Variants in CAPN1 observed in about 807,000 individuals in gnomAD.
CAPN1 encodes calpain 1.
CAPN1 carries 77 observed loss-of-function variants against 105.2 expected under a neutral mutation model. That is an observed-to-expected ratio of 0.73 (90% CI 0.61 to 0.88). The LOEUF is 0.88. CAPN1 is among the 40% of genes least tolerant of loss of function. The pLI, the probability that CAPN1 is intolerant of heterozygous loss-of-function variation, is 0.00. For synonymous variants in CAPN1, 355 were observed against 388.8 expected, an observed-to-expected ratio of 0.91 and a Z score of 1.02; for missense variants, 833 against 976.6, an observed-to-expected ratio of 0.85 and a Z score of 1.96.
chr11:65,201,709 G>A (rs1417174003), intron 10 of CAPN1, among the ~76,000 whole-genome samples: 2 of 151,542 alleles, frequency 1.3e-5, no homozygotes, highest in Non-Finnish European at 2.9e-5. Flanking sequence ...TAGTAGAGAC[G>A]GGGTTTCACC....
rs2137408005 is a variant in CAPN1, at chr11:65,211,683, CG to C, written c.*398del. The C allele has an allele frequency of 4.1e-6, 1 of 243,946 alleles. No individual in the cohort carries two copies. The highest frequency in any genetic ancestry group is 2.2e-5 in the African/African-American group (1 of 46,282). 15.1% of individuals were successfully genotyped at this position (243,946 alleles called of 1,614,324 possible). ...AGACTATAAACTATAACCACTAGCT[CG>C]ACACAGTCTGCAGTCCAGGCGTGTG... On this transcript the variant is annotated 3_prime_UTR_variant, in exon 22 of 22. Coordinates refer to ENST00000279247, the MANE Select transcript of CAPN1 (RefSeq NM_005186.4).
chr11:65,210,295 G>A lies in CAPN1; in HGVS notation c.1943-41G>A. 2.1e-6 allele frequency: 3 copies of A among 1,442,572 alleles called. No individual in the cohort carries two copies. The highest frequency in any genetic ancestry group is 1.7e-4 in the Middle Eastern group (1 of 5,732). 89.4% of individuals were successfully genotyped at this position (1,442,572 alleles called of 1,614,324 possible). A position where few individuals can be genotyped will look rare whatever the true frequency, so the allele number is the denominator to read the frequency against. ...ACCCCTCCCCCATCCTGTTGGGCAG[G>A]GGCTGCGCCTCACTGACCTTCACTC... On this transcript the variant is annotated intron_variant, in intron 19 of 21. Transcript: ENST00000279247. The surrounding 1 kb of genome is among the most constrained non-coding windows in gnomAD (Gnocchi z 4.3).
intron 10 of CAPN1, among the ~76,000 whole-genome samples, chr11:65,200,932 CTTT>C (rs56897147): frequency 2.0e-4 from 10 of 49,418 alleles, no homozygotes; most frequent in Non-Finnish European, 3.2e-4. Flanking sequence ...CCATGCCTGG[CTTT>C]TTTTTTTTTT....
chr11:65,201,333 C>CA (rs1311628386), intron 10 of CAPN1, among the ~76,000 whole-genome samples: 1 of 152,046 alleles, frequency 6.6e-6, no homozygotes, highest in Non-Finnish European at 1.5e-5. Flanking sequence ...GCAGTCCTCC[C>CA]ACCTCGGTCT....
chr11:65,195,021 T>C (rs1382261024), intron 10 of CAPN1, among the ~76,000 whole-genome samples: 1 of 152,126 alleles, frequency 6.6e-6, no homozygotes, highest in African/African-American at 2.4e-5. Context: ...CCACATCCTC[T>C]TCAACACTAG....
At chr11:65,182,536 C>T (rs17883146) in intron 1 of CAPN1, 165 bp from the exon 2 acceptor site, 40 of 663,112 alleles carry the variant, frequency 6.0e-5, no homozygotes, top group African/African-American at 9.1e-5. Flanking sequence ...CTGGGAGCAC[C>T]GGGAGGTGGC....
Position 65,182,909 on chromosome 11 carries a change from T to C in CAPN1, c.208T>C (p.Tyr70His), listed in dbSNP as rs754549070. ...AFPPVPQSLG[Y>H]KDLGPNSSKT... ...CCCCCCGGTACCCCAGAGCCTGGGT[T>C]ACAAGGACCTGGGTCCCAATTCCTC... Residue 70 changes from tyrosine (Y) to histidine (H), a missense_variant, in exon 2 of 22, where the codon TAC (tyrosine) becomes CAC (histidine). Coordinates refer to ENST00000279247, the MANE Select transcript of CAPN1 (RefSeq NM_005186.4). 3.1e-6 allele frequency: 5 copies of C among 1,610,608 alleles called. No individual in the cohort carries two copies. The South Asian group carries it at 5.5e-5, about 18-fold the overall frequency.
upstream of CAPN1, chr11:65,181,567 C>A: frequency 2.4e-6 from 1 of 410,476 alleles, no homozygotes; most frequent in Non-Finnish European, 4.8e-6. The surrounding 1 kb of genome is among the most constrained non-coding windows in gnomAD (Gnocchi z 4.6). Context: ...GCGTGGGGTG[C>A]GGCCGTCCGG....
chr11:65,199,976 G>A (rs867241085), intron 10 of CAPN1, among the ~76,000 whole-genome samples: 1 of 152,204 alleles, frequency 6.6e-6, no homozygotes, highest in Non-Finnish European at 1.5e-5. Flanking sequence ...TGAGTCCTCA[G>A]ATAAAGTTAA....
At chr11:65,186,441 C>T in intron 6 of CAPN1, 103 bp downstream of exon 6, 1 of 1,049,700 alleles carries the variant, frequency 9.5e-7, no homozygotes, top group Non-Finnish European at 1.4e-6. Flanking sequence ...AGACCCTGTC[C>T]TGCACTTAAG....
intron 10 of CAPN1, among the ~76,000 whole-genome samples, chr11:65,190,749 G>A (rs1405165258): frequency 6.9e-6 from 1 of 145,302 alleles, no homozygotes; most frequent in African/African-American, 2.5e-5. Context: ...GTCTTGCTCT[G>A]TTGCCCAGGC....
Position 65,210,692 on chromosome 11 carries a change from G to T in CAPN1, c.2060-122G>T, listed in dbSNP as rs1949035040. ...GGGTGAAGCTTCCCAGCTTCAAGGG[G>T]TGTCAGCTTGCGGTACTGTGGGGAG... On this transcript the variant is annotated intron_variant, in intron 20 of 21. Transcript: ENST00000279247. The surrounding 1 kb of genome is among the most constrained non-coding windows in gnomAD (Gnocchi z 4.3). 2.4e-6 allele frequency: 2 copies of T among 831,990 alleles called. No homozygotes were observed. The highest frequency in any genetic ancestry group is 4.9e-5 in the East Asian group (2 of 41,108). The allele number at this position is 831,990 out of a possible 1,614,324, so 51.5% of individuals were successfully genotyped here. A position where few individuals can be genotyped will look rare whatever the true frequency, so the allele number is the denominator to read the frequency against.
intron 10 of CAPN1, among the ~76,000 whole-genome samples, chr11:65,197,967 A>T (rs1483517808): frequency 6.7e-6 from 1 of 149,480 alleles, no homozygotes; most frequent in Non-Finnish European, 1.5e-5. Context: ...ACTCACAGTG[A>T]TTAATGCTGT....
intron 10 of CAPN1, among the ~76,000 whole-genome samples, chr11:65,198,594 T>C (rs529095323): frequency 6.6e-6 from 1 of 152,348 alleles, no homozygotes; most frequent in African/African-American, 2.4e-5. Context: ...AACATCATCA[T>C]GATTTGAGAT....
chr11:65,204,859 G>A lies in CAPN1; in HGVS notation c.1341+1G>A. On this transcript the variant is annotated splice_donor_variant, in intron 11 of 21. Coordinates refer to ENST00000279247, the MANE Select transcript of CAPN1 (RefSeq NM_005186.4). LOFTEE classifies it high-confidence loss of function. The stretch of plus-strand genomic sequence containing the variant: ...GACTATTGGCTTCGCGGTCTACGAG[G>A]TCAGGAGGGTGGATCACCGGTGGAT... 2 of 1,601,070 alleles carry A rather than the reference G, an allele frequency of 1.2e-6. No homozygotes were observed. Among genetic ancestry groups the A allele is most frequent in the Admixed American group, 1.7e-5 (1 of 59,856 alleles).
chr11:65,184,600 C>G (rs1416393258), intron 4 of CAPN1, among the ~76,000 whole-genome samples: 1 of 152,090 alleles, frequency 6.6e-6, no homozygotes, highest in Non-Finnish European at 1.5e-5. Flanking sequence ...TGTGGCATCT[C>G]AGAAACAAAG....
intron 10 of CAPN1, among the ~76,000 whole-genome samples, chr11:65,195,709 T>C (rs1948784990): frequency 6.6e-6 from 1 of 152,150 alleles, no homozygotes; most frequent in Admixed American, 6.6e-5. Flanking sequence ...TCTTTCCTTG[T>C]GGTGTCTTTA....
chr11:65,182,487 G>C (rs1327916682), intron 1 of CAPN1: 1 of 539,676 alleles, frequency 1.9e-6, no homozygotes, highest in Non-Finnish European at 3.2e-6. Flanking sequence ...AGAGGTGGCC[G>C]GCACGCCTGG....
chr11:65,195,665 A>T (rs758839484), intron 10 of CAPN1, among the ~76,000 whole-genome samples: 1 of 151,960 alleles, frequency 6.6e-6, no homozygotes. Flanking sequence ...GGATTTTTGC[A>T]TCTATATTCA....
Sources: allele counts gnomAD v4.1 joint callset (sites outside exome capture counted in the v4.1 genomes callset), GRCh38; gene constraint gnomAD v4.1.1; non-coding constraint Gnocchi (gnomAD v3.1); transcripts MANE v1.5; gene names NCBI Gene and HGNC (gene_info 2026-07-23, HGNC 2026-07-21).